The following ANKS1B variants were observed in gnomAD, a reference collection of about 807,000 sequenced individuals.
ANKS1B encodes ankyrin repeat and sterile alpha motif domain containing 1B, also known as ankyrin repeat and sterile alpha motif domain-containing protein 1B.
Under a neutral mutation model 148.3 loss-of-function variants are expected in ANKS1B, and 36 were observed. The observed-to-expected ratio is 0.24, with a 90% confidence interval of 0.19 to 0.32. ANKS1B has a LOEUF of 0.32. Among genes scored for constraint, ANKS1B ranks in the 10% least tolerant of loss-of-function variants. The pLI, the probability that ANKS1B is intolerant of heterozygous loss-of-function variation, is 1.00. For missense variants in ANKS1B, 1,157 were observed against 1,542.6 expected (o/e 0.75, Z 4.19); for synonymous variants, 542 against 560.8 (o/e 0.97, Z 0.47).
chr12:99,230,937 AC>A (rs1435956008), intron 14 of ANKS1B, among the ~76,000 whole-genome samples: 2 of 152,192 alleles, frequency 1.3e-5, no homozygotes, highest in African/African-American at 4.8e-5. Flanking sequence ...GTATTCTACT[AC>A]CTACCTTCCC....
Position 99,848,485 on chromosome 12 carries a change from G to GATA in ANKS1B, c.135-23099_135-23097dup, listed in dbSNP as rs1423821007. 1.2e-4 allele frequency among the ~76,000 whole-genome samples: 19 copies of GATA among 152,252 alleles called. 1 individual carries two copies. The highest frequency in any genetic ancestry group is 1.2e-3 in the Admixed American group (19 of 15,290). On this transcript the variant is annotated intron_variant, in intron 1 of 26. Transcript: ENST00000683438. Reference sequence around the variant, plus strand: ...GAAGACTTAAAGTACCATATATCACGATAATGTAAAAGAACAACTGGCACA... The same window carrying GATA: ...GAAGACTTAAAGTACCATATATCACGATAATAATGTAAAAGAACAACTGGCACA...
intron 1 of ANKS1B, among the ~76,000 whole-genome samples, chr12:99,831,908 T>A (rs775036544): frequency 5.3e-5 from 8 of 152,152 alleles, no homozygotes; most frequent in Non-Finnish European, 1.0e-4. Flanking sequence ...AAACAGGATA[T>A]TAACAGGCAA....
chr12:99,494,366 A>G (rs1163445716), intron 10 of ANKS1B, among the ~76,000 whole-genome samples: 2 of 152,168 alleles, frequency 1.3e-5, no homozygotes, highest in Non-Finnish European at 2.9e-5. Context: ...GGAAGTTTTC[A>G]TTTATTGTTT....
chr12:99,061,057 G>C (rs1290224547), intron 16 of ANKS1B, among the ~76,000 whole-genome samples: 1 of 152,146 alleles, frequency 6.6e-6, no homozygotes, highest in Non-Finnish European at 1.5e-5. Flanking sequence ...TTGAGAAAAA[G>C]ACTACTTGTT....
At chr12:99,453,003 A>C (rs1289224694) in intron 10 of ANKS1B, among the ~76,000 whole-genome samples, 1 of 152,208 alleles carries the variant, frequency 6.6e-6, no homozygotes, top group Non-Finnish European at 1.5e-5. Flanking sequence ...AACAAAGAAG[A>C]GATGAGGCCG....
At position 98,899,591 on chromosome 12, in the gene ANKS1B, G is replaced by A. The variant is rs139925924; in HGVS notation, c.2779-67455C>T. On this transcript the variant is annotated intron_variant, in intron 17 of 26. Coordinates refer to ENST00000683438, the MANE Select transcript of ANKS1B (RefSeq NM_001352186.2). ...AATTCCACCTGTGGACGGCAGTTTC[G>A]GCTCATCCACAAGAGTTTTCACCTG... 3.7e-4 allele frequency among the ~76,000 whole-genome samples: 57 copies of A among 152,230 alleles called. No individual in the cohort carries two copies. In the Middle Eastern group the frequency reaches 0.01, roughly 27 times the overall value.
At chr12:99,519,610 G>A (rs2096855165) in intron 9 of ANKS1B, among the ~76,000 whole-genome samples, 1 of 151,756 alleles carries the variant, frequency 6.6e-6, no homozygotes, top group Middle Eastern at 3.2e-3. Context: ...CAGTCTATTT[G>A]TATCTTTATA....
intron 15 of ANKS1B, among the ~76,000 whole-genome samples, chr12:99,092,561 GT>G (rs2054422249): frequency 6.6e-6 from 1 of 151,542 alleles, no homozygotes; most frequent in South Asian, 2.1e-4. Flanking sequence ...TATGCTGAAC[GT>G]TTCCCAGTGC....
intron 8 of ANKS1B, among the ~76,000 whole-genome samples, chr12:99,693,277 A>T (rs2053398677): frequency 6.6e-6 from 1 of 152,366 alleles, no homozygotes; most frequent in African/African-American, 2.4e-5. Flanking sequence ...ATAATCATGG[A>T]TATTTAAATG....
chr12:99,745,550 G>A (rs1324476743), intron 8 of ANKS1B, among the ~76,000 whole-genome samples: 1 of 152,026 alleles, frequency 6.6e-6, no homozygotes, highest in Non-Finnish European at 1.5e-5. Flanking sequence ...ACAAACAGCA[G>A]CCTCAATTTT....
At chr12:99,567,612 G>T (rs1051811405) in intron 9 of ANKS1B, among the ~76,000 whole-genome samples, 1 of 152,104 alleles carries the variant, frequency 6.6e-6, no homozygotes, top group African/African-American at 2.4e-5. Flanking sequence ...GTAAGAAAAG[G>T]TCCCTAAAAG....
At chr12:99,194,693 G>A (rs1225878248) in intron 14 of ANKS1B, among the ~76,000 whole-genome samples, 1 of 152,028 alleles carries the variant, frequency 6.6e-6, no homozygotes, top group Non-Finnish European at 1.5e-5. Flanking sequence ...AGTGGGTCTT[G>A]GATAATATTA....
intron 12 of ANKS1B, among the ~76,000 whole-genome samples, chr12:99,385,068 C>T (rs537856461): frequency 6.9e-6 from 1 of 145,488 alleles, no homozygotes; most frequent in Non-Finnish European, 1.5e-5. Context: ...ACCACAGTAG[C>T]TCATATGCTT....
intron 9 of ANKS1B, among the ~76,000 whole-genome samples, chr12:99,618,313 A>G (rs924992467): frequency 6.6e-6 from 1 of 152,190 alleles, no homozygotes; most frequent in Non-Finnish European, 1.5e-5. Flanking sequence ...ATGGAAAACC[A>G]TTCCATGTTC....
chr12:98,948,726 TTCTCTCTC>T (rs144897567), intron 17 of ANKS1B, among the ~76,000 whole-genome samples: 2 of 144,844 alleles, frequency 1.4e-5, no homozygotes, highest in African/African-American at 2.6e-5. Context: ...TTATGCCAAT[TTCTCTCTC>T]TCTCTCTCTC....
At chr12:98,860,371 T>C (rs1303555829) in intron 17 of ANKS1B, among the ~76,000 whole-genome samples, 1 of 152,246 alleles carries the variant, frequency 6.6e-6, no homozygotes, top group Admixed American at 6.5e-5. Flanking sequence ...TGACCCTTTG[T>C]TGTCTATCTC....
chr12:99,077,034 A>AAAAAAAC (rs1599519165), intron 16 of ANKS1B, among the ~76,000 whole-genome samples: 1 of 152,054 alleles, frequency 6.6e-6, no homozygotes, highest in East Asian at 1.9e-4. Context: ...CACCCCCGGC[A>AAAAAAAC]AAAAAACAAA....
chr12:99,888,593 T>C (rs2092941777), intron 1 of ANKS1B, among the ~76,000 whole-genome samples: 1 of 152,150 alleles, frequency 6.6e-6, no homozygotes, highest in Non-Finnish European at 1.5e-5. Context: ...TAGAAATATG[T>C]AGGCAAAGAG....
At chr12:98,866,619 T>G (rs888101876) in intron 17 of ANKS1B, among the ~76,000 whole-genome samples, 9 of 152,186 alleles carry the variant, frequency 5.9e-5, no homozygotes, top group Admixed American at 5.9e-4. Context: ...CCAAGTTCCC[T>G]CTGGACCCTT....
Sources: gnomAD v4.1 joint callset for allele counts (sites outside exome capture counted in the v4.1 genomes callset) on GRCh38, gnomAD v4.1.1 for gene constraint, MANE v1.5 for transcripts, NCBI Gene and HGNC (gene_info 2026-07-23, HGNC 2026-07-21) for gene names.